The following PAQR3 variants were observed in gnomAD, a reference collection of about 807,000 sequenced individuals.
PAQR3 encodes the protein progestin and adipoQ receptor family member 3, also known as Raf kinase trapping to Golgi.
Under a neutral mutation model 41.7 loss-of-function variants are expected in PAQR3, and 39 were observed. That is an observed-to-expected ratio of 0.93 (90% CI 0.72 to 1.22). The LOEUF is 1.22. PAQR3 is among the 50% of genes most tolerant of loss of function. PAQR3 has a pLI of 0.00. For missense variants in PAQR3, 366 were observed against 385.6 expected (o/e 0.95, Z 0.42); for synonymous variants, 140 against 140.6 (o/e 1.00, Z 0.03).
chr4:78,930,482 CTCTACATGTAGAGCCAT>C (rs1446200647), intron 2 of PAQR3, 157 bp from the exon 3 acceptor site: 4 of 638,852 alleles, frequency 6.3e-6, no homozygotes, highest in Admixed American at 3.7e-5. Flanking sequence ...GTAGAGCTCA[CTCTACATGTAGAGCCAT>C]GTAGAGCCAT....
chr4:78,919,797 T>C lies in PAQR3; in HGVS notation c.*742A>G. 1.0e-6 allele frequency: 1 copy of C among 982,986 alleles called. No individual in the cohort carries two copies. Among genetic ancestry groups the C allele is most frequent in the Non-Finnish European group, 1.2e-6 (1 of 827,764 alleles). 60.9% of individuals were successfully genotyped at this position (982,986 alleles called of 1,614,324 possible). On this transcript the variant is annotated 3_prime_UTR_variant, in exon 6 of 6. Transcript: ENST00000512733. The stretch of plus-strand genomic sequence containing the variant: ...AAATAATATCTGGAATTAAAATGTT[T>C]AGGTGGCTAATGACTATATTATTTG...
At position 78,935,083 on chromosome 4, in the gene PAQR3, T is replaced by C. The variant is rs140665163; in HGVS notation, c.348+38A>G. 2.5e-6 allele frequency: 4 copies of C among 1,598,878 alleles called. No individual in the cohort carries two copies. In the African/African-American group the frequency reaches 5.4e-5, roughly 21 times the overall value. ...CTGACCAAGACTGCCTGTCAAAAAGTTCTCTTTACCAACAGCAGTATTTGT... is the reference window on the plus strand; with the variant it reads ...CTGACCAAGACTGCCTGTCAAAAAGCTCTCTTTACCAACAGCAGTATTTGT... On this transcript the variant is annotated intron_variant, in intron 2 of 5. Transcript: ENST00000512733.
chr4:78,930,474 A>G (rs763062172), intron 2 of PAQR3, 149 bp from the exon 3 acceptor site: 4 of 722,070 alleles, frequency 5.5e-6, no homozygotes, highest in Non-Finnish European at 8.5e-6. Context: ...TGGCTACTGT[A>G]GAGCTCACTC....
rs1285177784 is a variant in PAQR3, at chr4:78,923,938, G to A, written c.712C>T (p.Pro238Ser). 2 of 1,612,342 alleles carry A rather than the reference G, an allele frequency of 1.2e-6. No individual in the cohort carries two copies. Among genetic ancestry groups the A allele is most frequent in the Non-Finnish European group, 1.7e-6 (2 of 1,178,844 alleles). The change falls in exon 5 of 6, where the codon CCC becomes TCC. Residue 238 changes from proline to serine, a missense_variant. By Grantham distance (74) the Pro-to-Ser change is moderately conservative. Transcript: ENST00000512733. ...IGAPIVQDFA[P>S]RVIVMYMIAL... ...ATCATATACATCACAATTACACGGG[G>A]TGCAAAGTCCTGAAAAGCAGAACAT...
Position 78,936,915 on chromosome 4 carries a change from A to G in PAQR3, c.186-1632T>C, listed in dbSNP as rs181623683. 2.6e-5 allele frequency among the ~76,000 whole-genome samples: 4 copies of G among 152,002 alleles called. No homozygotes were observed. In the East Asian group the frequency reaches 7.8e-4, roughly 30 times the overall value. ...CTGTCCCCGTCACTCCTGAAAGCCA[A>G]AAGGAGAGAGGGCAAAGGCTAAACT... On this transcript the variant is annotated intron_variant, in intron 1 of 5. Coordinates refer to ENST00000512733, the MANE Select transcript of PAQR3 (RefSeq NM_001040202.2).
At chr4:78,924,822 T>C (rs1736027614) in intron 4 of PAQR3, among the ~76,000 whole-genome samples, 1 of 150,712 alleles carries the variant, frequency 6.6e-6, no homozygotes, top group African/African-American at 2.4e-5. Flanking sequence ...TTGAAGGCAA[T>C]AGAGAGAGAC....
Position 78,939,320 on chromosome 4 carries a change from C to A in PAQR3, c.-96G>T. 1 of 1,220,644 alleles carries A rather than the reference C, an allele frequency of 8.2e-7. No individual in the cohort carries two copies. The allele number at this position is 1,220,644 out of a possible 1,614,324, so 75.6% of individuals were successfully genotyped here. ...GCCGCTGGCGCCCCCGCCCCGGAGC[C>A]CGCGGACGCTGCGCGAGGTCCTACC... On this transcript the variant is annotated 5_prime_UTR_variant, in exon 1 of 6. Transcript: ENST00000512733.
At chr4:78,930,813 TC>T (rs1260621866) in intron 2 of PAQR3, among the ~76,000 whole-genome samples, 1 of 151,994 alleles carries the variant, frequency 6.6e-6, no homozygotes, top group Admixed American at 6.6e-5. Flanking sequence ...TTTTTATGTG[TC>T]TTTCCAGATA....
At chr4:78,887,395 G>C (rs1012245011) in intron 12 of PAQR3, 3 of 786,332 alleles carry the variant, frequency 3.8e-6, no homozygotes, top group Non-Finnish European at 4.2e-6. Context: ...ACAGAAAGTA[G>C]AAAATATTTT....
chr4:78,910,243 G>A (rs1164606636), downstream of PAQR3, among the ~76,000 whole-genome samples: 2 of 152,196 alleles, frequency 1.3e-5, no homozygotes, highest in East Asian at 1.9e-4. Flanking sequence ...GGAGGTATTT[G>A]GTGAATGTGA....
At position 78,935,104 on chromosome 4, in the gene PAQR3, T is replaced by C; in HGVS notation, c.348+17A>G. 1 of 1,610,720 alleles carries C rather than the reference T, an allele frequency of 6.2e-7. No homozygotes were observed. The highest frequency in any genetic ancestry group is 8.5e-7 in the Non-Finnish European group (1 of 1,178,782). On this transcript the variant is annotated intron_variant, in intron 2 of 5. Coordinates refer to ENST00000512733, the MANE Select transcript of PAQR3 (RefSeq NM_001040202.2). ...AAAGTTCTCTTTACCAACAGCAGTA[T>C]TTGTGAAATGACTTACCTGGAAGCA... is the stretch of plus-strand genomic sequence containing the variant.
intron 11 of PAQR3, among the ~76,000 whole-genome samples, chr4:78,896,022 A>G (rs892044467): frequency 6.6e-6 from 1 of 152,126 alleles, no homozygotes; most frequent in African/African-American, 2.4e-5. Context: ...GCCTCCCACA[A>G]TGCTGGGATT....
chr4:78,911,942 TG>T lies in PAQR3; in HGVS notation c.*8596del. The T allele has an allele frequency of 6.2e-7, 1 of 1,614,014 alleles. No individual in the cohort carries two copies. Among genetic ancestry groups the T allele is most frequent in the Non-Finnish European group, 8.5e-7 (1 of 1,179,882 alleles). On this transcript the variant is annotated 3_prime_UTR_variant, in exon 6 of 6. Transcript: ENST00000512733. ...GGTGCCGTGCCCTTTACAGAACTTG[TG>T]GTGCAAAGCATCACTCCACATCAGT...
chr4:78,909,058 T>C (rs1397949932), downstream of PAQR3, among the ~76,000 whole-genome samples: 1 of 143,326 alleles, frequency 7.0e-6, no homozygotes, highest in East Asian at 2.0e-4. Context: ...CCTTAGTCTT[T>C]TTTTTTTTTT....
At position 78,933,138 on chromosome 4, in the gene PAQR3, G is replaced by T. The variant is rs573978948; in HGVS notation, c.348+1983C>A. Reference sequence around the variant, plus strand: ...TTCTTTTTTCCTGCTTAAATGCCCTGCCTCACTGTCTCTTCTGCACACCTA... The same window carrying T: ...TTCTTTTTTCCTGCTTAAATGCCCTTCCTCACTGTCTCTTCTGCACACCTA... On this transcript the variant is annotated intron_variant, in intron 2 of 5. Transcript: ENST00000512733. 262 of 455,674 alleles carry T rather than the reference G, an allele frequency of 5.7e-4. 1 individual carries two copies. The highest frequency in any genetic ancestry group is 4.8e-3 in the African/African-American group (239 of 50,136). The allele number at this position is 455,674 out of a possible 1,614,324, so 28.2% of individuals were successfully genotyped here. A position where few individuals can be genotyped will look rare whatever the true frequency, so the allele number is the denominator to read the frequency against.
chr4:78,926,743 T>C, intron 3 of PAQR3, 25 bp from the exon 4 acceptor site: 2 of 1,597,454 alleles, frequency 1.3e-6, no homozygotes, highest in Non-Finnish European at 1.7e-6. Flanking sequence ...AATCACATTT[T>C]AATTCTGTTA....
At chr4:78,900,009 G>A (rs1022552599) in intron 11 of PAQR3, among the ~76,000 whole-genome samples, 1 of 152,144 alleles carries the variant, frequency 6.6e-6, no homozygotes, top group African/African-American at 2.4e-5. Flanking sequence ...TGAACAACAC[G>A]GGTTTGAACT....
intron 11 of PAQR3, among the ~76,000 whole-genome samples, chr4:78,896,848 A>G (rs566592546): frequency 6.6e-6 from 1 of 152,220 alleles, no homozygotes; most frequent in African/African-American, 2.4e-5. Context: ...GGCACATGAC[A>G]TTATTCCTAG....
chr4:78,890,715 T>A (rs1055688929), intron 11 of PAQR3, among the ~76,000 whole-genome samples: 5 of 152,198 alleles, frequency 3.3e-5, no homozygotes, highest in Non-Finnish European at 7.3e-5. Flanking sequence ...CTTCATTACA[T>A]CTCTCATGGA....
Sources: gnomAD v4.1 joint callset for allele counts (sites outside exome capture counted in the v4.1 genomes callset) on GRCh38, gnomAD v4.1.1 for gene constraint, MANE v1.5 for transcripts, NCBI Gene and HGNC (gene_info 2026-07-23, HGNC 2026-07-21) for gene names.